PLXDC2: variants seen among roughly 807,000 people sequenced by gnomAD.
The protein encoded by PLXDC2 is plexin domain-containing protein 2.
PLXDC2 carries 40 observed loss-of-function variants against 68.9 expected under a neutral mutation model. The ratio of observed to expected loss-of-function variants is 0.58; its 90% confidence interval spans 0.45 to 0.76. PLXDC2 has a LOEUF of 0.76. Ranked by LOEUF, PLXDC2 falls within the 30% of genes least tolerant of loss-of-function variation. The pLI, the probability that PLXDC2 is intolerant of heterozygous loss-of-function variation, is 0.00. For missense variants in PLXDC2, 644 were observed against 661.9 expected, an observed-to-expected ratio of 0.97 and a Z score of 0.30; for synonymous variants, 243 against 234.2, an observed-to-expected ratio of 1.04 and a Z score of -0.34.
intron 3 of PLXDC2, among the ~76,000 whole-genome samples, chr10:20,052,996 A>G (rs1835931588): frequency 6.6e-6 from 1 of 152,076 alleles, no homozygotes. Flanking sequence ...TGGTCCAAAC[A>G]CTATTTTGGA....
chr10:19,940,265 A>G (rs1833796480), intron 1 of PLXDC2, among the ~76,000 whole-genome samples: 2 of 152,124 alleles, frequency 1.3e-5, no homozygotes, highest in South Asian at 4.1e-4. Flanking sequence ...GAAGATGCCT[A>G]GAACATGGAA....
intron 10 of PLXDC2, among the ~76,000 whole-genome samples, chr10:20,214,706 T>G (rs989422191): frequency 2.6e-5 from 4 of 152,152 alleles, no homozygotes; most frequent in African/African-American, 9.7e-5. Context: ...CTTGTTTTGT[T>G]ATAGGAGGGC....
chr10:20,128,782 T>C (rs923745681), intron 4 of PLXDC2, among the ~76,000 whole-genome samples: 11 of 152,168 alleles, frequency 7.2e-5, no homozygotes, highest in African/African-American at 2.4e-4. Context: ...ACATAATTTC[T>C]TCCAAGTTCA....
chr10:19,878,063 A>G (rs16919499), intron 1 of PLXDC2, among the ~76,000 whole-genome samples: 111 of 152,358 alleles, frequency 7.3e-4, no homozygotes, highest in African/African-American at 2.6e-3. Flanking sequence ...AGAATTTGTC[A>G]AGTCATTGAA....
intron 1 of PLXDC2, among the ~76,000 whole-genome samples, chr10:19,856,574 C>G (rs1202741123): frequency 1.3e-5 from 2 of 152,136 alleles, no homozygotes; most frequent in East Asian, 3.9e-4. Flanking sequence ...TCACTGTAAG[C>G]GCAGCAAGGA....
chr10:20,177,801 T>C (rs538433189), intron 9 of PLXDC2, among the ~76,000 whole-genome samples: 1 of 152,122 alleles, frequency 6.6e-6, no homozygotes, highest in Non-Finnish European at 1.5e-5. Context: ...GTGTAGCATA[T>C]GTATGCATTA....
At chr10:20,009,981 A>G (rs1228523958) in intron 2 of PLXDC2, among the ~76,000 whole-genome samples, 1 of 152,068 alleles carries the variant, frequency 6.6e-6, no homozygotes, top group Non-Finnish European at 1.5e-5. Flanking sequence ...GTGACATGAG[A>G]TAGTGGTTAG....
At chr10:20,184,805 C>T (rs1834658063) in intron 9 of PLXDC2, among the ~76,000 whole-genome samples, 1 of 151,784 alleles carries the variant, frequency 6.6e-6, no homozygotes, top group Non-Finnish European at 1.5e-5. Context: ...ATATTTGCAG[C>T]ATTAAGTGTG....
intron 1 of PLXDC2, among the ~76,000 whole-genome samples, chr10:19,959,721 C>T (rs1208448149): frequency 2.0e-5 from 3 of 152,090 alleles, no homozygotes; most frequent in Non-Finnish European, 4.4e-5. Flanking sequence ...CCTGGGAGTG[C>T]CAGATGTATT....
chr10:20,125,630 C>A (rs1833763064), intron 4 of PLXDC2, among the ~76,000 whole-genome samples: 1 of 152,166 alleles, frequency 6.6e-6, no homozygotes, highest in Non-Finnish European at 1.5e-5. Context: ...GGAATCAATG[C>A]AGCTATAGAG....
intron 4 of PLXDC2, among the ~76,000 whole-genome samples, chr10:20,142,483 A>G (rs557060916): frequency 1.3e-5 from 2 of 152,252 alleles, no homozygotes; most frequent in South Asian, 2.1e-4. Flanking sequence ...ACAATTTGTC[A>G]TGGATAATCC....
chr10:19,913,711 G>T (rs1301859981), intron 1 of PLXDC2, among the ~76,000 whole-genome samples: 2 of 152,172 alleles, frequency 1.3e-5, no homozygotes, highest in African/African-American at 4.8e-5. Context: ...TGTGTCATCA[G>T]CTATCAATAG....
chr10:20,156,749 T>C (rs7080628), intron 6 of PLXDC2, among the ~76,000 whole-genome samples: 50,006 of 152,060 alleles, frequency 0.33, 10,297 homozygotes, highest in Non-Finnish European at 0.48. Flanking sequence ...GCTCAATACC[T>C]GGCAGATGAG....
chr10:20,235,146 T>C (rs1483377372), intron 12 of PLXDC2, among the ~76,000 whole-genome samples: 1 of 152,200 alleles, frequency 6.6e-6, no homozygotes, highest in Non-Finnish European at 1.5e-5. Flanking sequence ...TTCAGGTGGT[T>C]GCAAGTACGT....
In PLXDC2 at chr10:20,170,466, T is replaced by A. The variant is rs139422687; in HGVS notation, c.883+5899T>A. ...CAGCCTCCCATAGTGTTAGGATTAC[T>A]GGTGTGAGCCACCATGCCCGGCACA... On this transcript the variant is annotated intron_variant, in intron 7 of 13. Coordinates refer to ENST00000377252, the MANE Select transcript of PLXDC2 (RefSeq NM_032812.9). 4.0e-3 allele frequency among the ~76,000 whole-genome samples: 608 copies of A among 152,318 alleles called. 6 individuals carry two copies. The highest frequency in any genetic ancestry group is 0.013 in the African/African-American group (550 of 41,582).
intron 1 of PLXDC2, among the ~76,000 whole-genome samples, chr10:19,988,757 G>A (rs920687866): frequency 7.3e-6 from 1 of 137,202 alleles, no homozygotes; most frequent in Non-Finnish European, 1.5e-5. Flanking sequence ...TTCAAGTTAG[G>A]GTTAAGTTAA....
At chr10:19,940,807 C>A (rs775418415) in intron 1 of PLXDC2, among the ~76,000 whole-genome samples, 1 of 152,020 alleles carries the variant, frequency 6.6e-6, no homozygotes, top group Non-Finnish European at 1.5e-5. Context: ...ATTAATAATT[C>A]TTCTAATTGT....
intron 1 of PLXDC2, among the ~76,000 whole-genome samples, chr10:19,835,621 A>G (rs539009917): frequency 4.7e-4 from 71 of 152,308 alleles, no homozygotes; most frequent in Middle Eastern, 6.8e-3. Context: ...AGAGAAGAGC[A>G]GAGGGTCAAG....
At position 19,924,777 on chromosome 10, in the gene PLXDC2, T is replaced by A. The variant is rs779641031; in HGVS notation, c.113-76998T>A. ...TTGGTAAAGACATTCAACTTCTTGA[T>A]GGTGCAGTTTCCACATTTATAAAAT... On this transcript the variant is annotated intron_variant, in intron 1 of 13. Coordinates refer to ENST00000377252, the MANE Select transcript of PLXDC2 (RefSeq NM_032812.9). 1.2e-4 allele frequency among the ~76,000 whole-genome samples: 19 copies of A among 152,336 alleles called. No homozygotes were observed. In the South Asian group the frequency reaches 1.4e-3, roughly 12 times the overall value.
Sources: gnomAD v4.1 joint callset for allele counts (sites outside exome capture counted in the v4.1 genomes callset) on GRCh38, gnomAD v4.1.1 for gene constraint, MANE v1.5 for transcripts, NCBI Gene and HGNC (gene_info 2026-07-23, HGNC 2026-07-21) for gene names.